Variants in SGCZ observed in about 807,000 individuals in gnomAD.
The protein encoded by SGCZ is zeta-sarcoglycan.
A neutral mutation model predicts 41.3 loss-of-function variants in SGCZ; 40 were observed. The observed-to-expected ratio is 0.97, with a 90% confidence interval of 0.75 to 1.26. SGCZ has a LOEUF of 1.26. Ranked by LOEUF, SGCZ falls within the 50% of genes most tolerant of loss-of-function variation. The probability of loss-of-function intolerance (pLI) is 0.00; values close to 1 mark genes in which losing one functional copy is unlikely to be tolerated. For synonymous variants in SGCZ, 206 were observed against 137.5 expected (o/e 1.50, Z -3.49); for missense variants, 552 against 369.8 (o/e 1.49, Z -4.04).
chr8:14,696,981 T>C (rs1479315035), intron 1 of SGCZ, among the ~76,000 whole-genome samples: 34 of 151,992 alleles, frequency 2.2e-4, no homozygotes, highest in Non-Finnish European at 7.4e-5. Flanking sequence ...AACATAGATA[T>C]TAGTTAAAGT....
intron 1 of SGCZ, among the ~76,000 whole-genome samples, chr8:15,024,689 C>G (rs1458992409): frequency 6.6e-6 from 1 of 152,056 alleles, no homozygotes; most frequent in Non-Finnish European, 1.5e-5. Context: ...GTAATCCCAG[C>G]ACTTTGGGAG....
At chr8:15,054,402 G>A (rs1222089286) in intron 1 of SGCZ, among the ~76,000 whole-genome samples, 1 of 152,060 alleles carries the variant, frequency 6.6e-6, no homozygotes. Context: ...ATATGCCAGT[G>A]CAGATCCTGG....
intron 2 of SGCZ, among the ~76,000 whole-genome samples, chr8:14,356,797 C>T (rs1219841667): frequency 6.6e-6 from 1 of 151,850 alleles, no homozygotes; most frequent in Non-Finnish European, 1.5e-5. Context: ...TAGGTAGGGC[C>T]AATAACCACT....
At chr8:15,005,639 A>ATT (rs10688133) in intron 1 of SGCZ, among the ~76,000 whole-genome samples, 56,383 of 143,058 alleles carry the variant, frequency 0.39, 11,696 homozygotes, top group Non-Finnish European at 0.48. Context: ...GCAATCCCCC[A>ATT]TTTTTTTTCT....
intron 1 of SGCZ, among the ~76,000 whole-genome samples, chr8:14,742,949 A>T (rs1176493620): frequency 1.3e-5 from 2 of 152,134 alleles, no homozygotes; most frequent in Admixed American, 1.3e-4. Flanking sequence ...TATGATTTTC[A>T]TAGGAAACTG....
chr8:15,152,918 C>A (rs1159263802), intron 1 of SGCZ, among the ~76,000 whole-genome samples: 1 of 152,190 alleles, frequency 6.6e-6, no homozygotes, highest in Non-Finnish European at 1.5e-5. Flanking sequence ...CCCACTGCTC[C>A]AGTCTCCTGG....
chr8:14,719,003 C>A (rs1338262426), intron 1 of SGCZ, among the ~76,000 whole-genome samples: 1 of 107,316 alleles, frequency 9.3e-6, no homozygotes, highest in Non-Finnish European at 1.8e-5. Flanking sequence ...TCCCTCCCCC[C>A]TCCCCCCACC....
chr8:14,475,651 AT>A (rs1801336099), intron 2 of SGCZ, among the ~76,000 whole-genome samples: 1 of 152,178 alleles, frequency 6.6e-6, no homozygotes, highest in Non-Finnish European at 1.5e-5. Flanking sequence ...CCAAATTTCT[AT>A]CCAAATCTTT....
intron 1 of SGCZ, among the ~76,000 whole-genome samples, chr8:14,905,284 C>A (rs1358736887): frequency 6.6e-6 from 1 of 151,588 alleles, no homozygotes; most frequent in Non-Finnish European, 1.5e-5. Flanking sequence ...AAAGAATGAA[C>A]AAAGGAAAAA....
intron 1 of SGCZ, among the ~76,000 whole-genome samples, chr8:14,802,869 A>C (rs1194422318): frequency 1.3e-5 from 2 of 152,114 alleles, no homozygotes; most frequent in African/African-American, 4.8e-5. Context: ...ACAGGCACTC[A>C]ACTCACAGCC....
intron 1 of SGCZ, chr8:14,853,617 G>T (rs957179101): frequency 5.3e-6 from 2 of 379,036 alleles, no homozygotes; most frequent in Admixed American, 5.4e-5. Flanking sequence ...GGTTTGCTTT[G>T]TCCTTTAAAG....
chr8:14,533,500 C>T (rs1264423395), intron 2 of SGCZ, among the ~76,000 whole-genome samples: 8 of 151,940 alleles, frequency 5.3e-5, no homozygotes, highest in Admixed American at 5.3e-4. Flanking sequence ...ACTAGATTTA[C>T]ATTATCCTAT....
intron 1 of SGCZ, among the ~76,000 whole-genome samples, chr8:14,860,533 AGAAT>A (rs1335185253): frequency 1.3e-5 from 2 of 151,466 alleles, no homozygotes; most frequent in Non-Finnish European, 2.9e-5. Context: ...AAAGAAGGAA[AGAAT>A]GAAAGAAAGA....
chr8:14,186,186 A>T (rs1167480786), intron 4 of SGCZ, among the ~76,000 whole-genome samples: 1 of 152,238 alleles, frequency 6.6e-6, no homozygotes, highest in Non-Finnish European at 1.5e-5. Flanking sequence ...CATGCCGTCC[A>T]GTAAAACAGC....
chr8:14,924,559 T>C (rs1799687232), intron 1 of SGCZ, among the ~76,000 whole-genome samples: 1 of 152,132 alleles, frequency 6.6e-6, no homozygotes, highest in South Asian at 2.1e-4. Flanking sequence ...CACGCCTTCC[T>C]ATTTACATCA....
At chr8:14,513,708 C>T (rs1269554475) in intron 2 of SGCZ, among the ~76,000 whole-genome samples, 3 of 152,020 alleles carry the variant, frequency 2.0e-5, no homozygotes, top group African/African-American at 7.2e-5. Context: ...TTTTAATATG[C>T]TTCAGAAAAC....
chr8:14,239,125 T>C (rs1806879072), intron 3 of SGCZ, among the ~76,000 whole-genome samples: 1 of 152,052 alleles, frequency 6.6e-6, no homozygotes, highest in South Asian at 2.1e-4. Context: ...AATCAAGTGA[T>C]ATATCCAAAT....
rs574936251 is a variant in SGCZ, at chr8:14,986,661, A to G, written c.39+250924T>C. On this transcript the variant is annotated intron_variant, in intron 1 of 7. Coordinates refer to ENST00000382080, the MANE Select transcript of SGCZ (RefSeq NM_139167.4). ...ATTCAATGTTTTAAAATTTTATACA[A>G]CAGTTTTAAGAGACTTCTAGGTTGA... Among the ~76,000 whole-genome samples the G allele has an allele frequency of 2.0e-5, 3 of 152,212 alleles. No individual in the cohort carries two copies. In the South Asian group the frequency reaches 6.2e-4, roughly 32 times the overall value.
intron 1 of SGCZ, among the ~76,000 whole-genome samples, chr8:14,833,020 A>G (rs888305726): frequency 6.6e-6 from 1 of 151,376 alleles, no homozygotes; most frequent in African/African-American, 2.4e-5. Flanking sequence ...TATTATGTTG[A>G]AATGCTTAAT....
Sources: allele counts gnomAD v4.1 joint callset (sites outside exome capture counted in the v4.1 genomes callset), GRCh38; gene constraint gnomAD v4.1.1; transcripts MANE v1.5; gene names NCBI Gene and HGNC (gene_info 2026-07-23, HGNC 2026-07-21).